PDZRN3: variants seen among roughly 807,000 people sequenced by gnomAD.
PDZRN3 encodes E3 ubiquitin-protein ligase PDZRN3.
Under a neutral mutation model 85.7 loss-of-function variants are expected in PDZRN3, and 38 were observed. That is an observed-to-expected ratio of 0.44 (90% CI 0.34 to 0.58). PDZRN3 has a LOEUF of 0.58. Among genes scored for constraint, PDZRN3 ranks in the 20% least tolerant of loss-of-function variants. The probability of loss-of-function intolerance (pLI) is 0.01; values close to 1 mark genes in which losing one functional copy is unlikely to be tolerated. For missense variants in PDZRN3, 1,629 were observed against 1,506.4 expected, an observed-to-expected ratio of 1.08 and a Z score of -1.35; for synonymous variants, 759 against 638.0, an observed-to-expected ratio of 1.19 and a Z score of -2.86.
At chr3:73,531,174 C>T (rs907326131) in intron 3 of PDZRN3, among the ~76,000 whole-genome samples, 2 of 149,938 alleles carry the variant, frequency 1.3e-5, no homozygotes, top group Non-Finnish European at 3.0e-5. Flanking sequence ...TGGCATGAAC[C>T]CGGGAGGCGG....
rs1285668517 is a variant in PDZRN3 at position 73,383,896 on chromosome 3, C to T, written c.2670G>A (p.Lys890=). 2 of 1,612,940 alleles carry T rather than the reference C, an allele frequency of 1.2e-6. No homozygotes were observed. The highest frequency in any genetic ancestry group is 1.7e-6 in the Non-Finnish European group (2 of 1,179,712). The stretch of plus-strand genomic sequence containing the variant: ...GGCTTTGCGCGTACTCCACGGCCGA[C>T]TTCTGCTGGATCAGCTGCATGTAGC... The part of the protein sequence containing the change: ...YQSYMQLIQQ[K]SAVEYAQSQM... The change falls in exon 10 of 10, where the codon AAG becomes AAA. Residue 890 remains lysine (K), a synonymous_variant. Coordinates refer to ENST00000263666, the MANE Select transcript of PDZRN3 (RefSeq NM_015009.3).
intron 3 of PDZRN3, among the ~76,000 whole-genome samples, chr3:73,516,085 T>A (rs965307450): frequency 1.1e-4 from 17 of 152,216 alleles, no homozygotes; most frequent in Admixed American, 9.2e-4. Context: ...GCCGTATAGA[T>A]GTATTGTTAT....
chr3:73,594,901 C>A (rs555901611), intron 3 of PDZRN3, among the ~76,000 whole-genome samples: 1 of 152,230 alleles, frequency 6.6e-6, no homozygotes, highest in South Asian at 2.1e-4. Context: ...GTCATTACTA[C>A]CAAATGACAA....
Position 73,404,311 on chromosome 3 carries a change from C to T in PDZRN3, c.1003G>A (p.Val335Met), listed in dbSNP as rs772629023. 33 of 1,614,156 alleles carry T rather than the reference C, an allele frequency of 2.0e-5. No individual in the cohort carries two copies. Among genetic ancestry groups the T allele is most frequent in the Non-Finnish European group, 2.7e-5 (32 of 1,180,020 alleles). Residue 335 changes from valine to methionine, a missense_variant, in exon 4 of 10, where the codon GTG (valine) becomes ATG (methionine). By Grantham distance (21) the Val-to-Met change is conservative (BLOSUM62 1). Coordinates refer to ENST00000263666, the MANE Select transcript of PDZRN3 (RefSeq NM_015009.3). ...KTAKEPIVVQ[V>M]LRRTPRTKMF... Reference sequence around the variant, plus strand: ...TTGGTCCTTGGTGTTCTTCTCAACACCTGCACCACTATGGGCTCCTTGGCT... The same window carrying T: ...TTGGTCCTTGGTGTTCTTCTCAACATCTGCACCACTATGGGCTCCTTGGCT...
chr3:73,614,648 G>A (rs1040026927), intron 1 of PDZRN3, among the ~76,000 whole-genome samples: 2 of 152,184 alleles, frequency 1.3e-5, no homozygotes, highest in African/African-American at 4.8e-5. Flanking sequence ...CTGGGAAACA[G>A]CTCTGTCTGT....
chr3:73,571,965 T>C (rs1702052301), intron 3 of PDZRN3, among the ~76,000 whole-genome samples: 1 of 152,262 alleles, frequency 6.6e-6, no homozygotes. Flanking sequence ...GGCAATTTTG[T>C]ACTTAACTTG....
At chr3:73,549,859 C>T (rs1701511110) in intron 3 of PDZRN3, among the ~76,000 whole-genome samples, 1 of 152,156 alleles carries the variant, frequency 6.6e-6, no homozygotes, top group Non-Finnish European at 1.5e-5. Context: ...GCTGTACAAT[C>T]CATAGGTAAT....
At chr3:73,514,121 T>C (rs368097291) in intron 3 of PDZRN3, among the ~76,000 whole-genome samples, 8 of 152,252 alleles carry the variant, frequency 5.3e-5, no homozygotes, top group African/African-American at 1.9e-4. Flanking sequence ...TTAGAAGTAC[T>C]TGTGTTGTCT....
chr3:73,452,706 G>A (rs1702888056), intron 3 of PDZRN3, among the ~76,000 whole-genome samples: 1 of 152,096 alleles, frequency 6.6e-6, no homozygotes, highest in South Asian at 2.1e-4. Context: ...ATTTTACTTG[G>A]TTTTAAGTTG....
chr3:73,511,646 A>G lies in PDZRN3; in HGVS notation c.918+90708T>C, dbSNP rs539622096. On this transcript the variant is annotated intron_variant, in intron 3 of 9. Transcript: ENST00000263666. ...TAATGGCAGCATTTCTCACTGCCCTAAAGTACCGTCCACCACGCCAGCAGA... is the reference window on the plus strand; with the variant it reads ...TAATGGCAGCATTTCTCACTGCCCTGAAGTACCGTCCACCACGCCAGCAGA... Among the ~76,000 whole-genome samples the G allele has an allele frequency of 5.3e-5, 8 of 152,354 alleles. No individual in the cohort carries two copies. In the South Asian group the frequency reaches 1.7e-3, roughly 32 times the overall value.
At chr3:73,476,167 C>G (rs1049059284) in intron 3 of PDZRN3, among the ~76,000 whole-genome samples, 1 of 152,180 alleles carries the variant, frequency 6.6e-6, no homozygotes, top group Non-Finnish European at 1.5e-5. Flanking sequence ...AAGGAACTAC[C>G]TGAGACCAGA....
chr3:73,586,905 G>T (rs115829836), intron 3 of PDZRN3, among the ~76,000 whole-genome samples: 1 of 152,234 alleles, frequency 6.6e-6, no homozygotes, highest in Non-Finnish European at 1.5e-5. Context: ...CTGATGGAGT[G>T]CAGGGCCCAT....
At chr3:73,464,816 T>G (rs559695364) in intron 3 of PDZRN3, among the ~76,000 whole-genome samples, 61 of 152,336 alleles carry the variant, frequency 4.0e-4, no homozygotes, top group African/African-American at 1.4e-3. Context: ...GTGGGATGGC[T>G]AAAGCAAGCT....
chr3:73,391,702 G>C (rs555044366), intron 5 of PDZRN3, among the ~76,000 whole-genome samples: 9 of 152,184 alleles, frequency 5.9e-5, no homozygotes, highest in Non-Finnish European at 1.3e-4. Context: ...AAAGCAAAGT[G>C]AGCCCAAATG....
chr3:73,518,232 T>G (rs1303918429), intron 3 of PDZRN3, among the ~76,000 whole-genome samples: 1 of 152,212 alleles, frequency 6.6e-6, no homozygotes, highest in Non-Finnish European at 1.5e-5. Flanking sequence ...GACCTTACAC[T>G]AAGTGAAATT....
Position 73,621,019 on chromosome 3 carries a change from T to C in PDZRN3, c.723+3084A>G, listed in dbSNP as rs532118483. 2.0e-5 allele frequency among the ~76,000 whole-genome samples: 3 copies of C among 152,362 alleles called. No individual in the cohort carries two copies. The South Asian group carries it at 6.2e-4, about 32-fold the overall frequency. ...CTGAGCGTAAGCTCTTCGTCTAGCTTAGCGGCTACTTAAAGGACCAGCATC... is the reference window on the plus strand; with the variant it reads ...CTGAGCGTAAGCTCTTCGTCTAGCTCAGCGGCTACTTAAAGGACCAGCATC... On this transcript the variant is annotated intron_variant, in intron 1 of 9. Coordinates refer to ENST00000263666, the MANE Select transcript of PDZRN3 (RefSeq NM_015009.3).
At chr3:73,609,859 C>T (rs959047270) in intron 1 of PDZRN3, among the ~76,000 whole-genome samples, 1 of 152,174 alleles carries the variant, frequency 6.6e-6, no homozygotes, top group East Asian at 1.9e-4. Flanking sequence ...ACTGTTTCTA[C>T]CTGCAGTGCC....
chr3:73,520,579 C>T (rs1310996818), intron 3 of PDZRN3, among the ~76,000 whole-genome samples: 1 of 152,102 alleles, frequency 6.6e-6, no homozygotes, highest in Admixed American at 6.6e-5. Context: ...TCTTTACAGC[C>T]CAACCCTGAA....
chr3:73,568,759 C>A (rs1234829668), intron 3 of PDZRN3, among the ~76,000 whole-genome samples: 1 of 152,164 alleles, frequency 6.6e-6, no homozygotes, highest in Non-Finnish European at 1.5e-5. Flanking sequence ...ATATTTGCTA[C>A]ATGATTATCT....
Sources: gnomAD v4.1 joint callset for allele counts (sites outside exome capture counted in the v4.1 genomes callset) on GRCh38, gnomAD v4.1.1 for gene constraint, MANE v1.5 for transcripts, NCBI Gene and HGNC (gene_info 2026-07-23, HGNC 2026-07-21) for gene names.